The following ITPR2 variants were observed in gnomAD, a reference collection of about 807,000 sequenced individuals.
ITPR2 encodes the protein inositol 1,4,5-trisphosphate-gated calcium channel ITPR2.
A neutral mutation model predicts 317.1 loss-of-function variants in ITPR2; 207 were observed. The observed-to-expected ratio is 0.65, with a 90% confidence interval of 0.58 to 0.73. ITPR2 has a LOEUF of 0.73. Among genes scored for constraint, ITPR2 ranks in the 30% least tolerant of loss-of-function variants. ITPR2 has a pLI of 0.00. For missense variants in ITPR2, 2,613 were observed against 3,284.0 expected (o/e 0.80, Z 4.99); for synonymous variants, 1,156 against 1,149.1 (o/e 1.01, Z -0.12).
chr12:26,674,227 T>C (rs1255168921), intron 13 of ITPR2, among the ~76,000 whole-genome samples: 286 of 151,016 alleles, frequency 1.9e-3, no homozygotes, highest in African/African-American at 6.6e-3. Flanking sequence ...AAAAAGAGCC[T>C]GCATCGCCAA....
At chr12:26,650,309 G>A (rs1042967621) in intron 21 of ITPR2, among the ~76,000 whole-genome samples, 14 of 152,138 alleles carry the variant, frequency 9.2e-5, no homozygotes, top group Non-Finnish European at 2.1e-4. Context: ...GGTTGAATAT[G>A]CAGAGCACAG....
intron 1 of ITPR2, among the ~76,000 whole-genome samples, chr12:26,806,116 G>A (rs1950635577): frequency 6.6e-6 from 1 of 152,128 alleles, no homozygotes; most frequent in Non-Finnish European, 1.5e-5. Context: ...CCCAACTAGG[G>A]AGCACAGCAG....
At chr12:26,463,424 T>G (rs1942091253) in intron 45 of ITPR2, among the ~76,000 whole-genome samples, 1 of 152,122 alleles carries the variant, frequency 6.6e-6, no homozygotes, top group African/African-American at 2.4e-5. Flanking sequence ...CCCAGCACTT[T>G]GGGAGGCTGA....
chr12:26,739,538 A>G (rs1949194453), intron 2 of ITPR2, among the ~76,000 whole-genome samples: 1 of 152,252 alleles, frequency 6.6e-6, no homozygotes, highest in African/African-American at 2.4e-5. Flanking sequence ...ACTAAGTGAA[A>G]GAAGCCAGAC....
intron 36 of ITPR2, among the ~76,000 whole-genome samples, chr12:26,554,932 C>G (rs1018656676): frequency 2.0e-5 from 3 of 152,146 alleles, no homozygotes; most frequent in South Asian, 2.1e-4. Flanking sequence ...TAGTGAATTA[C>G]TAGGCAATAC....
intron 55 of ITPR2, among the ~76,000 whole-genome samples, chr12:26,362,857 G>T (rs118030670): frequency 1.5e-4 from 23 of 152,298 alleles, no homozygotes; most frequent in African/African-American, 4.8e-4. Context: ...GGGAATAAAA[G>T]ATGGGGAACC....
chr12:26,465,756 T>C (rs1376051770), intron 45 of ITPR2, among the ~76,000 whole-genome samples: 1 of 152,104 alleles, frequency 6.6e-6, no homozygotes, highest in African/African-American at 2.4e-5. Flanking sequence ...GTAATAAAGG[T>C]ATACTCCATG....
intron 2 of ITPR2, among the ~76,000 whole-genome samples, chr12:26,744,442 G>T (rs552825501): frequency 6.6e-6 from 1 of 152,298 alleles, no homozygotes; most frequent in East Asian, 1.9e-4. Context: ...CTCCGCTCAA[G>T]TATCAGTGAG....
At chr12:26,830,741 C>G (rs11048703) in intron 1 of ITPR2, among the ~76,000 whole-genome samples, 24,434 of 152,266 alleles carry the variant, frequency 0.16, 2,324 homozygotes, top group East Asian at 0.22. Context: ...GTTTTATACT[C>G]TATTCCTAGT....
intron 1 of ITPR2, among the ~76,000 whole-genome samples, chr12:26,829,768 G>A (rs182430007): frequency 2.6e-5 from 4 of 152,306 alleles, no homozygotes; most frequent in African/African-American, 9.6e-5. Flanking sequence ...AGTACCAGGA[G>A]GGAGGCATGG....
intron 52 of ITPR2, among the ~76,000 whole-genome samples, chr12:26,401,825 C>T (rs750073640): frequency 2.0e-5 from 3 of 152,180 alleles, no homozygotes; most frequent in Admixed American, 2.0e-4. Context: ...GATAAGGGAT[C>T]CTGATATTTT....
At chr12:26,425,112 T>A (rs1029280519) in intron 49 of ITPR2, among the ~76,000 whole-genome samples, 1 of 151,982 alleles carries the variant, frequency 6.6e-6, no homozygotes, top group Admixed American at 6.6e-5. Flanking sequence ...TAAAATATTT[T>A]TTTTTATTTT....
intron 10 of ITPR2, among the ~76,000 whole-genome samples, chr12:26,689,534 G>A (rs1948194235): frequency 6.6e-6 from 1 of 152,072 alleles, no homozygotes; most frequent in South Asian, 2.1e-4. Flanking sequence ...AAAGTGTGTT[G>A]GTTCATTGAT....
chr12:26,487,776 T>C (rs1942705859), intron 39 of ITPR2, among the ~76,000 whole-genome samples: 1 of 152,184 alleles, frequency 6.6e-6, no homozygotes, highest in African/African-American at 2.4e-5. Context: ...AAGGACTATT[T>C]TTCTCTTTAT....
chr12:26,503,474 A>G (rs1459624260), intron 37 of ITPR2, among the ~76,000 whole-genome samples: 1 of 152,348 alleles, frequency 6.6e-6, no homozygotes, highest in Non-Finnish European at 1.5e-5. Context: ...TGAGAATTAA[A>G]TGAGATAATA....
At chr12:26,804,353 G>C (rs1442004624) in intron 1 of ITPR2, among the ~76,000 whole-genome samples, 2 of 152,088 alleles carry the variant, frequency 1.3e-5, no homozygotes, top group Non-Finnish European at 2.9e-5. Context: ...GATTTATTTA[G>C]GTTACTGGCA....
intron 49 of ITPR2, chr12:26,419,450 T>C (rs1393689257): frequency 2.7e-6 from 1 of 372,144 alleles, no homozygotes; most frequent in Non-Finnish European, 4.9e-6. Context: ...ACATAATACA[T>C]GCAAAACTTG....
At chr12:26,643,534 A>G (rs1947039859) in intron 21 of ITPR2, among the ~76,000 whole-genome samples, 2 of 152,232 alleles carry the variant, frequency 1.3e-5, no homozygotes, top group South Asian at 4.1e-4. Context: ...CTCTAAGAGT[A>G]TTCTTAAAGA....
Position 26,654,022 on chromosome 12 carries a change from G to A in ITPR2, c.2694C>T (p.Ala898=), listed in dbSNP as rs2230380. The A allele has an allele frequency of 0.22, 349,425 of 1,604,894 alleles. 41,783 individuals carry two copies. The highest frequency in any genetic ancestry group is 0.25 in the Non-Finnish European group (290,816 of 1,174,076). ...TLLAILDIVQ[A]PMSSYFERLS... ...ATCTTTCAAAGTATGATGACATGGG[G>A]GCCTGTACAATGTCTAAAATAGCCA... The change falls in exon 21 of 57, where the codon GCC becomes GCT. Residue 898 remains alanine (A), a synonymous_variant. Transcript: ENST00000381340.
Sources: gnomAD v4.1 joint callset for allele counts (sites outside exome capture counted in the v4.1 genomes callset) on GRCh38, gnomAD v4.1.1 for gene constraint, MANE v1.5 for transcripts, NCBI Gene and HGNC (gene_info 2026-07-23, HGNC 2026-07-21) for gene names.